The following OLFM2 variants were observed in gnomAD, a reference collection of about 807,000 sequenced individuals.
The protein encoded by OLFM2 is noelin-2.
A neutral mutation model predicts 43.9 loss-of-function variants in OLFM2; 20 were observed. The observed-to-expected ratio is 0.46, with a 90% CI of 0.32 to 0.66. The LOEUF is 0.66. Among genes scored for constraint, OLFM2 ranks in the 30% least tolerant of loss-of-function variants. OLFM2 has a pLI of 0.04. For synonymous variants in OLFM2, 268 were observed against 278.6 expected (o/e 0.96, Z 0.38); for missense variants, 416 against 643.6 (o/e 0.65, Z 3.83).
At chr19:9,894,507 C>T (rs1353316089) in intron 1 of OLFM2, among the ~76,000 whole-genome samples, 2 of 151,386 alleles carry the variant, frequency 1.3e-5, no homozygotes, top group Non-Finnish European at 2.9e-5. Context: ...GTCAGGAGTT[C>T]GAGACCACCC....
intron 1 of OLFM2, among the ~76,000 whole-genome samples, chr19:9,882,105 G>A (rs1221143148): frequency 6.6e-6 from 1 of 152,048 alleles, no homozygotes; most frequent in Non-Finnish European, 1.5e-5. Flanking sequence ...CAGGTGTGGT[G>A]GCTCGCACCA....
chr19:9,894,548 A>T lies in OLFM2; in HGVS notation c.64-33754T>A, dbSNP rs1434299175. Among the ~76,000 whole-genome samples the T allele has an allele frequency of 2.0e-5, 3 of 151,540 alleles. 1 individual carries two copies. The South Asian group carries it at 6.3e-4, about 32-fold the overall frequency. On this transcript the variant is annotated intron_variant, in intron 1 of 5. Transcript: ENST00000264833. ...AACACGGAGAAACCCCGTCTCTACTAAAAATACAAAATTAGCCAGGTGTGG... is the reference window on the plus strand; with the variant it reads ...AACACGGAGAAACCCCGTCTCTACTTAAAATACAAAATTAGCCAGGTGTGG...
chr19:9,901,001 G>GGGAGGGA, intron 1 of OLFM2, among the ~76,000 whole-genome samples: 1 of 17,594 alleles, frequency 5.7e-5, no homozygotes, highest in African/African-American at 3.9e-4. Context: ...GGAGGGAGGG[G>GGGAGGGA]GGAGGGAGGG....
rs895809023 is a variant in OLFM2 at position 9,854,866 on chromosome 19, A to G, written c.688-3T>C. 4 of 1,572,916 alleles carry G rather than the reference A, an allele frequency of 2.5e-6. No individual in the cohort carries two copies. The South Asian group carries it at 3.5e-5, about 14-fold the overall frequency. The stretch of plus-strand genomic sequence containing the variant: ...TAATAGCCATCCATGTACCAGACCT[A>G]TGGTAGCAGCCGCTGGTCACTGGGG... On this transcript the variant is annotated splice_polypyrimidine_tract_variant and splice_region_variant and intron_variant, in intron 5 of 5. Transcript: ENST00000264833. The surrounding 1 kb of genome is among the most constrained non-coding windows in gnomAD (Gnocchi z 9.5).
At chr19:9,902,248 T>C (rs543671909) in intron 1 of OLFM2, among the ~76,000 whole-genome samples, 10 of 152,122 alleles carry the variant, frequency 6.6e-5, no homozygotes, top group African/African-American at 2.4e-4. Context: ...CAGGAGGGTC[T>C]CGATCTCCTG....
intron 1 of OLFM2, among the ~76,000 whole-genome samples, chr19:9,872,388 GC>G (rs1446652091): frequency 6.6e-6 from 1 of 152,090 alleles, no homozygotes; most frequent in East Asian, 1.9e-4. Flanking sequence ...GGTGGCACGA[GC>G]CTGTGGTCCC....
chr19:9,910,329 C>A (rs1055162376), intron 1 of OLFM2, among the ~76,000 whole-genome samples: 1 of 152,146 alleles, frequency 6.6e-6, no homozygotes, highest in African/African-American at 2.4e-5. Flanking sequence ...ATGTTTGACT[C>A]AAAAATCTTA....
At chr19:9,877,148 T>A (rs112795530) in intron 1 of OLFM2, among the ~76,000 whole-genome samples, 18,446 of 149,494 alleles carry the variant, frequency 0.12, 1,305 homozygotes, top group Middle Eastern at 0.21. Context: ...GAGAATCGCT[T>A]GAACCAGGTA....
chr19:9,910,348 T>C (rs2046818063), intron 1 of OLFM2, among the ~76,000 whole-genome samples: 1 of 152,222 alleles, frequency 6.6e-6, no homozygotes, highest in African/African-American at 2.4e-5. Context: ...TATCACTAAC[T>C]GAGCATCTGC....
chr19:9,892,849 A>G (rs2046650640), intron 1 of OLFM2, among the ~76,000 whole-genome samples: 1 of 152,148 alleles, frequency 6.6e-6, no homozygotes, highest in South Asian at 2.1e-4. Flanking sequence ...CAACTTCTCT[A>G]AGATAAGCCC....
At chr19:9,883,549 GC>G (rs1258092455) in intron 1 of OLFM2, among the ~76,000 whole-genome samples, 2 of 152,066 alleles carry the variant, frequency 1.3e-5, no homozygotes, top group East Asian at 1.9e-4. Flanking sequence ...GAGGCCCGTG[GC>G]CCCCCAGCTT....
intron 1 of OLFM2, among the ~76,000 whole-genome samples, chr19:9,927,279 C>T (rs1276054571): frequency 6.6e-6 from 1 of 151,950 alleles, no homozygotes; most frequent in African/African-American, 2.4e-5. Flanking sequence ...GAGGCTCTGT[C>T]TCGAAAAAAA....
At chr19:9,936,171 C>T in intron 1 of OLFM2, 133 bp downstream of exon 1, 5 of 940,418 alleles carry the variant, frequency 5.3e-6, no homozygotes, top group Admixed American at 2.4e-5. Context: ...TCCCCCGCTG[C>T]GACCCCCGCC....
intron 1 of OLFM2, among the ~76,000 whole-genome samples, chr19:9,909,656 T>C (rs2046812896): frequency 6.6e-6 from 1 of 152,184 alleles, no homozygotes; most frequent in South Asian, 2.1e-4. Flanking sequence ...GAATCCATAC[T>C]GCTTTGTTTC....
Position 9,865,485 on chromosome 19 carries a change from C to CTTTTTT in OLFM2, c.64-4697_64-4692dup, listed in dbSNP as rs71188847. 1.2e-3 allele frequency among the ~76,000 whole-genome samples: 91 copies of CTTTTTT among 73,630 alleles called. 1 individual carries two copies. The highest frequency in any genetic ancestry group is 1.3e-3 in the Non-Finnish European group (55 of 42,232). 48.3% of individuals were successfully genotyped at this position (73,630 alleles called of 152,430 possible). A position where few individuals can be genotyped will look rare whatever the true frequency, so the allele number is the denominator to read the frequency against. Reference sequence around the variant, plus strand: ...AGTCACTGTTACCTCTCTGTTTTTTCTTTTTTTTTTTTTTTTTTTTTTTTG... The same window carrying CTTTTTT: ...AGTCACTGTTACCTCTCTGTTTTTTCTTTTTTTTTTTTTTTTTTTTTTTTTTTTTTG... On this transcript the variant is annotated intron_variant, in intron 1 of 5. Coordinates refer to ENST00000264833, the MANE Select transcript of OLFM2 (RefSeq NM_058164.4).
chr19:9,906,336 A>T (rs2046785832), intron 1 of OLFM2, among the ~76,000 whole-genome samples: 1 of 152,088 alleles, frequency 6.6e-6, no homozygotes, highest in African/African-American at 2.4e-5. Context: ...GGCTCGCTTA[A>T]TTAATTAGTC....
In OLFM2 at chr19:9,924,406, C is replaced by CAA. The variant is rs1166738814; in HGVS notation, c.63+11896_63+11897dup. ...GGGCGACAGAGCGAGACTCTGTCTC[C>CAA]AAAAAAAAAAAAAAAAAAAAAAAAA... On this transcript the variant is annotated intron_variant, in intron 1 of 5. Transcript: ENST00000264833. Among the ~76,000 whole-genome samples the CAA allele has an allele frequency of 4.2e-3, 107 of 25,742 alleles. 2 individuals carry two copies. The highest frequency in any genetic ancestry group is 6.7e-3 in the Non-Finnish European group (70 of 10,394). The allele number at this position is 25,742 out of a possible 152,430, so 16.9% of individuals were successfully genotyped here.
chr19:9,898,764 C>T (rs945051753), intron 1 of OLFM2, among the ~76,000 whole-genome samples: 1 of 152,286 alleles, frequency 6.6e-6, no homozygotes, highest in African/African-American at 2.4e-5. Context: ...CACATCTGAT[C>T]CATCAGCAAG....
chr19:9,883,206 T>C (rs573545928), intron 1 of OLFM2, among the ~76,000 whole-genome samples: 1 of 24,970 alleles, frequency 4.0e-5, no homozygotes, highest in African/African-American at 8.7e-5. Flanking sequence ...CGAGACTCCA[T>C]CTCAAAAAAA....
Sources: gnomAD v4.1 joint callset for allele counts (sites outside exome capture counted in the v4.1 genomes callset) on GRCh38, gnomAD v4.1.1 for gene constraint, Gnocchi (gnomAD v3.1) non-coding constraint, MANE v1.5 for transcripts, NCBI Gene and HGNC (gene_info 2026-07-23, HGNC 2026-07-21) for gene names.